The following SSH2 variants were observed in gnomAD, a reference collection of about 807,000 sequenced individuals.
SSH2 encodes the protein protein phosphatase Slingshot homolog 2.
SSH2 carries 37 observed loss-of-function variants against 135.2 expected under a neutral mutation model. The observed-to-expected ratio is 0.27, with a 90% confidence interval of 0.21 to 0.36. The LOEUF (loss-of-function observed/expected upper bound fraction) is 0.36, where lower values mean the gene tolerates loss of function less well. Among genes scored for constraint, SSH2 ranks in the 10% least tolerant of loss-of-function variants. The pLI is 1.00. For synonymous variants in SSH2, 628 were observed against 646.2 expected (o/e 0.97, Z 0.43); for missense variants, 1,408 against 1,765.3 (o/e 0.80, Z 3.63).
intron 3 of SSH2, among the ~76,000 whole-genome samples, chr17:29,758,254 A>G (rs1213037281): frequency 6.6e-6 from 1 of 152,204 alleles, no homozygotes; most frequent in Non-Finnish European, 1.5e-5. Context: ...CCTTGCAACT[A>G]CTAAGGCAAA....
At chr17:29,700,816 G>A (rs2038943546) in intron 4 of SSH2, among the ~76,000 whole-genome samples, 1 of 152,148 alleles carries the variant, frequency 6.6e-6, no homozygotes, top group African/African-American at 2.4e-5. Flanking sequence ...TTGAGATGGA[G>A]TCTCATTCTG....
Position 29,632,453 on chromosome 17 carries a change from G to A in SSH2, c.2741C>T (p.Ala914Val). Residue 914 changes from alanine (A) to valine (V), a missense_variant, in exon 16 of 16, where the codon GCC (alanine) becomes GTC (valine). Physicochemically the swap from Ala to Val is moderately conservative, Grantham distance 64. Transcript: ENST00000540801. ...AGTGGACAATGAGGTACATGTTGGG[G>A]CAGCACCATGATGCTCTTGCTCCTG... ...LRQEQEHHGA[A>V]PTCTSLSTRK... 1.9e-6 allele frequency: 3 copies of A among 1,614,146 alleles called. No individual in the cohort carries two copies. Among genetic ancestry groups the A allele is most frequent in the Admixed American group, 1.7e-5 (1 of 60,020 alleles).
chr17:29,732,742 G>A (rs1439832942), intron 3 of SSH2, among the ~76,000 whole-genome samples: 1 of 152,140 alleles, frequency 6.6e-6, no homozygotes, highest in Non-Finnish European at 1.5e-5. Context: ...CAGCTGAGGG[G>A]AAAAGACACT....
chr17:29,882,052 A>C (rs2066147019), intron 1 of SSH2, among the ~76,000 whole-genome samples: 1 of 152,222 alleles, frequency 6.6e-6, no homozygotes, highest in African/African-American at 2.4e-5. Flanking sequence ...TGAAAGCTTC[A>C]GGGAGATACA....
intron 3 of SSH2, among the ~76,000 whole-genome samples, chr17:29,764,988 A>G (rs1428606962): frequency 6.6e-6 from 1 of 152,226 alleles, no homozygotes; most frequent in Non-Finnish European, 1.5e-5. Context: ...AAATTTCAAC[A>G]TGAGTAGATC....
At chr17:29,765,389 A>G (rs2041419929) in intron 3 of SSH2, among the ~76,000 whole-genome samples, 1 of 152,222 alleles carries the variant, frequency 6.6e-6, no homozygotes, top group African/African-American at 2.4e-5. Flanking sequence ...AGTTATCGTG[A>G]GGATTAATTA....
chr17:29,858,447 G>A (rs1317987186), intron 1 of SSH2, among the ~76,000 whole-genome samples: 1 of 152,158 alleles, frequency 6.6e-6, no homozygotes, highest in Admixed American at 6.5e-5. Context: ...ATCTCAGAAT[G>A]TGGTTGTATT....
At chr17:29,761,305 C>A in intron 3 of SSH2, 1 of 1,267,854 alleles carries the variant, frequency 7.9e-7, no homozygotes, top group Non-Finnish European at 1.0e-6. Flanking sequence ...CACAACTCCG[C>A]ATCCTGGCCT....
rs1284246494 is a variant in SSH2 at position 29,743,899 on chromosome 17, CTTTTTTCCTTTTTT to C, written c.189-40851_189-40838del. 4.1e-5 allele frequency among the ~76,000 whole-genome samples: 4 copies of C among 96,634 alleles called. No individual in the cohort carries two copies. In the East Asian group the frequency reaches 1.2e-3, roughly 29 times the overall value. 63.4% of individuals were successfully genotyped at this position (96,634 alleles called of 152,430 possible). ...ATTATTAGGGCATAATTTCTTTTTT[CTTTTTTCCTTTTTT>C]TTTTTTTTTTTTTTTTTTACAAAAC... On this transcript the variant is annotated intron_variant, in intron 3 of 15. Transcript: ENST00000540801.
At chr17:29,846,303 G>A (rs1235155800) in intron 2 of SSH2, among the ~76,000 whole-genome samples, 1 of 151,982 alleles carries the variant, frequency 6.6e-6, no homozygotes, top group Non-Finnish European at 1.5e-5. Context: ...CAAAGAGCTG[G>A]GATTACAGGC....
At chr17:29,656,430 C>A (rs953474651) in intron 11 of SSH2, among the ~76,000 whole-genome samples, 1 of 152,114 alleles carries the variant, frequency 6.6e-6, no homozygotes, top group African/African-American at 2.4e-5. Flanking sequence ...CCCGCCTCAG[C>A]CTCCCAAAGT....
At chr17:29,792,369 AT>A (rs1383812261) in intron 3 of SSH2, among the ~76,000 whole-genome samples, 1 of 152,142 alleles carries the variant, frequency 6.6e-6, no homozygotes, top group Non-Finnish European at 1.5e-5. Flanking sequence ...CTTCTAGAAA[AT>A]ATAAGAATTA....
intron 2 of SSH2, among the ~76,000 whole-genome samples, chr17:29,810,517 T>A (rs1468238994): frequency 1.3e-5 from 2 of 152,238 alleles, no homozygotes; most frequent in Admixed American, 6.5e-5. Flanking sequence ...TTTATTGTGG[T>A]ATATGGTTGA....
chr17:29,790,724 G>A (rs2042049342), intron 3 of SSH2, among the ~76,000 whole-genome samples: 1 of 151,390 alleles, frequency 6.6e-6, no homozygotes, highest in Non-Finnish European at 1.5e-5. Flanking sequence ...TAATTGTACT[G>A]AAAGATTTTT....
intron 3 of SSH2, among the ~76,000 whole-genome samples, chr17:29,710,693 C>G (rs184603292): frequency 6.6e-6 from 1 of 152,208 alleles, no homozygotes; most frequent in East Asian, 1.9e-4. Flanking sequence ...AATATCAGAC[C>G]AGAGTTCAAG....
chr17:29,849,434 G>A (rs867201836), intron 1 of SSH2, among the ~76,000 whole-genome samples: 1 of 145,378 alleles, frequency 6.9e-6, no homozygotes, highest in Non-Finnish European at 1.5e-5. Flanking sequence ...AGCCGAGATC[G>A]CGCCACTGTA....
chr17:29,799,923 C>G (rs1567981980), intron 2 of SSH2, among the ~76,000 whole-genome samples: 2 of 152,154 alleles, frequency 1.3e-5, no homozygotes, highest in East Asian at 3.8e-4. Flanking sequence ...AACTAAAAAT[C>G]TTACTTTGAT....
chr17:29,639,412 C>T (rs919466159), intron 14 of SSH2, among the ~76,000 whole-genome samples: 1 of 151,906 alleles, frequency 6.6e-6, no homozygotes, highest in Admixed American at 6.6e-5. Flanking sequence ...GAAACTCAGC[C>T]CAAAACAACT....
At chr17:29,671,240 G>A (rs2037480380) in intron 9 of SSH2, among the ~76,000 whole-genome samples, 3 of 152,252 alleles carry the variant, frequency 2.0e-5, no homozygotes, top group South Asian at 4.2e-4. Flanking sequence ...CCAGCACTTT[G>A]GTAGGCCGAG....
Sources: allele counts gnomAD v4.1 joint callset (sites outside exome capture counted in the v4.1 genomes callset), GRCh38; gene constraint gnomAD v4.1.1; transcripts MANE v1.5; gene names NCBI Gene and HGNC (gene_info 2026-07-23, HGNC 2026-07-21).